Variants in TNR observed in about 807,000 individuals in gnomAD.
TNR encodes the protein tenascin-R.
A neutral mutation model predicts 150.4 loss-of-function variants in TNR; 45 were observed. The ratio of observed to expected loss-of-function variants is 0.30; its 90% CI spans 0.24 to 0.38. The LOEUF is 0.38. Ranked by LOEUF, TNR falls within the 10% of genes least tolerant of loss-of-function variation. TNR has a pLI of 1.00. For synonymous variants in TNR, 687 were observed against 678.4 expected (o/e 1.01, Z -0.20); for missense variants, 1,544 against 1,759.1 (o/e 0.88, Z 2.19).
intron 18 of TNR, among the ~76,000 whole-genome samples, chr1:175,342,325 T>C (rs6666490): frequency 0.053 from 7,995 of 152,198 alleles, 691 homozygotes; most frequent in African/African-American, 0.18. Flanking sequence ...AGAAAGTTAC[T>C]TTAGGAACTG....
At chr1:175,606,248 G>A (rs969921790) in intron 1 of TNR, among the ~76,000 whole-genome samples, 2 of 152,134 alleles carry the variant, frequency 1.3e-5, no homozygotes, top group Non-Finnish European at 1.5e-5. Context: ...TCTGTCAAGG[G>A]AATAATTCTG....
intron 1 of TNR, among the ~76,000 whole-genome samples, chr1:175,607,387 T>C (rs1282042662): frequency 6.6e-6 from 1 of 152,224 alleles, no homozygotes; most frequent in Non-Finnish European, 1.5e-5. Flanking sequence ...ACATGCAAGT[T>C]TGTGACTACA....
intron 15 of TNR, among the ~76,000 whole-genome samples, chr1:175,356,884 A>G (rs1179010063): frequency 6.6e-6 from 1 of 152,214 alleles, no homozygotes; most frequent in Non-Finnish European, 1.5e-5. Flanking sequence ...CTGAACACGT[A>G]ACAGTTTATC....
chr1:175,453,639 C>G (rs1199860235), intron 2 of TNR, among the ~76,000 whole-genome samples: 33 of 152,172 alleles, frequency 2.2e-4, no homozygotes, highest in Non-Finnish European at 1.0e-4. Context: ...TAGCTTACCA[C>G]AGCCTTGAGC....
At chr1:175,645,633 C>T (rs996627195) in intron 1 of TNR, among the ~76,000 whole-genome samples, 3 of 152,148 alleles carry the variant, frequency 2.0e-5, no homozygotes, top group East Asian at 1.9e-4. Context: ...AAGTCATGGG[C>T]GTGATAACCA....
At chr1:175,665,533 C>CT (rs888368519) in intron 1 of TNR, among the ~76,000 whole-genome samples, 66 of 152,308 alleles carry the variant, frequency 4.3e-4, no homozygotes, top group Middle Eastern at 3.4e-3. Context: ...GAGAATGTTC[C>CT]TTTTTATCAG....
At chr1:175,674,809 GC>G (rs1553253052) in intron 1 of TNR, among the ~76,000 whole-genome samples, 1 of 152,096 alleles carries the variant, frequency 6.6e-6, no homozygotes. Flanking sequence ...AGAGGACCAG[GC>G]CCCCCAGCAT....
At chr1:175,368,556 G>A (rs867886171) in intron 9 of TNR, among the ~76,000 whole-genome samples, 10 of 152,182 alleles carry the variant, frequency 6.6e-5, no homozygotes, top group Admixed American at 2.6e-4. Context: ...GCCCTGTAAG[G>A]TGGTTATATT....
chr1:175,444,413 T>A (rs181686841), intron 2 of TNR, among the ~76,000 whole-genome samples: 1 of 152,128 alleles, frequency 6.6e-6, no homozygotes, highest in South Asian at 2.1e-4. Flanking sequence ...GAGGTGCACA[T>A]GAACAGGTGC....
chr1:175,727,518 G>C (rs1025107915), intron 1 of TNR, among the ~76,000 whole-genome samples: 1 of 152,192 alleles, frequency 6.6e-6, no homozygotes, highest in African/African-American at 2.4e-5. Context: ...TGAGAAATAG[G>C]GTGGAAACTG....
intron 9 of TNR, among the ~76,000 whole-genome samples, chr1:175,377,309 G>T (rs144304386): frequency 3.9e-5 from 6 of 152,098 alleles, no homozygotes; most frequent in Non-Finnish European, 8.8e-5. Flanking sequence ...AGGACGTGGG[G>T]TTTTCTATCT....
intron 21 of TNR, among the ~76,000 whole-genome samples, chr1:175,326,647 T>A (rs1225042336): frequency 1.3e-5 from 2 of 152,176 alleles, no homozygotes; most frequent in Non-Finnish European, 1.5e-5. Flanking sequence ...ACATATTGCT[T>A]ACTTTTTCCT....
intron 1 of TNR, among the ~76,000 whole-genome samples, chr1:175,548,955 C>T (rs982486327): frequency 2.0e-5 from 3 of 152,194 alleles, no homozygotes; most frequent in African/African-American, 2.4e-5. Context: ...TCTGCCAAGA[C>T]AGGAAAAATC....
intron 8 of TNR, among the ~76,000 whole-genome samples, chr1:175,381,143 C>G (rs1021837199): frequency 1.3e-5 from 2 of 152,200 alleles, no homozygotes; most frequent in African/African-American, 4.8e-5. Context: ...ATTTCTCCAG[C>G]AGTTGGATGG....
At chr1:175,459,212 A>G (rs1456451798) in intron 2 of TNR, among the ~76,000 whole-genome samples, 10 of 146,978 alleles carry the variant, frequency 6.8e-5, no homozygotes, top group African/African-American at 2.5e-4. Flanking sequence ...CATCACCACC[A>G]TTCCCTCAAT....
intron 1 of TNR, among the ~76,000 whole-genome samples, chr1:175,548,550 T>C (rs986745390): frequency 6.6e-6 from 1 of 151,994 alleles, no homozygotes; most frequent in Non-Finnish European, 1.5e-5. Context: ...TCTTTCTCTC[T>C]TCTCTCCCTG....
intron 1 of TNR, among the ~76,000 whole-genome samples, chr1:175,537,692 G>T (rs1557993538): frequency 6.6e-6 from 1 of 152,212 alleles, no homozygotes; most frequent in Non-Finnish European, 1.5e-5. Context: ...TCTGGGTTAG[G>T]TTGGGCTGTG....
At chr1:175,417,449 A>G (rs1332356657) in intron 2 of TNR, among the ~76,000 whole-genome samples, 2 of 152,192 alleles carry the variant, frequency 1.3e-5, no homozygotes, top group Non-Finnish European at 2.9e-5. Context: ...ATGAAGGCTT[A>G]AAGTTGATTA....
At chr1:175,360,059 A>C (rs1651522466) in intron 14 of TNR, among the ~76,000 whole-genome samples, 1 of 152,242 alleles carries the variant, frequency 6.6e-6, no homozygotes, top group African/African-American at 2.4e-5. Context: ...TTCAACATTT[A>C]AATCTAGATG....
Sources: gnomAD v4.1 joint callset for allele counts (sites outside exome capture counted in the v4.1 genomes callset) on GRCh38, gnomAD v4.1.1 for gene constraint, MANE v1.5 for transcripts, NCBI Gene and HGNC (gene_info 2026-07-23, HGNC 2026-07-21) for gene names.